Variants in SSPN observed in about 807,000 individuals in gnomAD.
SSPN encodes K-ras oncogene-associated protein.
A neutral mutation model predicts 19.1 loss-of-function variants in SSPN; 15 were observed. The observed-to-expected ratio is 0.78, with a 90% CI of 0.52 to 1.21. SSPN has a LOEUF of 1.21. Ranked by LOEUF, SSPN falls within the 50% of genes most tolerant of loss-of-function variation. SSPN has a pLI of 0.00. For synonymous variants in SSPN, 147 were observed against 140.3 expected (o/e 1.05, Z -0.34); for missense variants, 291 against 314.0 (o/e 0.93, Z 0.55).
intron 1 of SSPN, among the ~76,000 whole-genome samples, chr12:26,188,213 C>A (rs906492240): frequency 5.3e-5 from 8 of 152,166 alleles, no homozygotes; most frequent in Non-Finnish European, 1.2e-4. Context: ...GGGACTCAGG[C>A]AGTCTGGGCT....
intron 1 of SSPN, among the ~76,000 whole-genome samples, chr12:26,198,095 G>C (rs1944845684): frequency 6.6e-6 from 1 of 151,986 alleles, no homozygotes; most frequent in African/African-American, 2.4e-5. Flanking sequence ...ATGGCAAAGT[G>C]CAGATGTGTA....
chr12:26,208,027 G>A (rs528044720), intron 1 of SSPN, among the ~76,000 whole-genome samples: 2 of 146,900 alleles, frequency 1.4e-5, no homozygotes, highest in African/African-American at 2.5e-5. Flanking sequence ...GTGGGGGGGG[G>A]GGATATATAA....
chr12:26,212,085 T>C (rs1944993697), intron 1 of SSPN, among the ~76,000 whole-genome samples: 1 of 152,200 alleles, frequency 6.6e-6, no homozygotes. Context: ...ATATTTTGTT[T>C]TTACAATGTG....
At chr12:26,165,474 A>G (rs1159350633) in intron 1 of SSPN, among the ~76,000 whole-genome samples, 1 of 152,254 alleles carries the variant, frequency 6.6e-6, no homozygotes, top group Non-Finnish European at 1.5e-5. Context: ...GCCTGGAGCA[A>G]TTTAATCATC....
chr12:26,200,840 C>T (rs1429005011), intron 1 of SSPN, among the ~76,000 whole-genome samples: 1 of 151,328 alleles, frequency 6.6e-6, no homozygotes, highest in East Asian at 1.9e-4. Flanking sequence ...ATGGCAACTG[C>T]CACAGGATTG....
At chr12:26,160,906 G>C (rs999371802) in intron 1 of SSPN, among the ~76,000 whole-genome samples, 1 of 151,922 alleles carries the variant, frequency 6.6e-6, no homozygotes, top group African/African-American at 2.4e-5. Flanking sequence ...TCAGGAGTTC[G>C]AGACCAGCCT....
intron 1 of SSPN, among the ~76,000 whole-genome samples, chr12:26,200,751 T>C (rs1944869611): frequency 6.6e-6 from 1 of 151,846 alleles, no homozygotes; most frequent in South Asian, 2.1e-4. Context: ...AGTAATACAT[T>C]ATTCATCATA....
At chr12:26,202,195 G>T (rs1266326673) in intron 1 of SSPN, among the ~76,000 whole-genome samples, 1 of 152,156 alleles carries the variant, frequency 6.6e-6, no homozygotes, top group Non-Finnish European at 1.5e-5. Flanking sequence ...GTTCAGTACA[G>T]ACACAACCAT....
intron 1 of SSPN, among the ~76,000 whole-genome samples, chr12:26,170,566 T>C (rs1220174372): frequency 6.6e-6 from 1 of 152,196 alleles, no homozygotes. Context: ...ATAAAGAAAA[T>C]CTATACAAAC....
In SSPN at chr12:26,232,806, C is replaced by A; in HGVS notation, c.*1730C>A. 1 of 767,510 alleles carries A rather than the reference C, an allele frequency of 1.3e-6. No homozygotes were observed. The highest frequency in any genetic ancestry group is 5.8e-5 in the South Asian group (1 of 17,116). 47.5% of individuals were successfully genotyped at this position (767,510 alleles called of 1,614,324 possible). ...AAAATGGCCTTCCTACACATTAGCTCCAGCTAAAAAGACACATTGGAGAGC... is the reference window on the plus strand; with the variant it reads ...AAAATGGCCTTCCTACACATTAGCTACAGCTAAAAAGACACATTGGAGAGC... On this transcript the variant is annotated 3_prime_UTR_variant, in exon 3 of 3. Transcript: ENST00000242729.
At chr12:26,185,034 T>A (rs1200240839) in intron 1 of SSPN, among the ~76,000 whole-genome samples, 1 of 152,194 alleles carries the variant, frequency 6.6e-6, no homozygotes, top group East Asian at 1.9e-4. Context: ...GAATGTACAC[T>A]AAGATTAAAT....
At chr12:26,195,973 C>G (rs753126221) in intron 1 of SSPN, 22 bp downstream of exon 1, 8 of 1,453,496 alleles carry the variant, frequency 5.5e-6, no homozygotes, top group Non-Finnish European at 7.3e-6. Context: ...GTCTGTTTTG[C>G]CTAAGCGCGT....
intron 1 of SSPN, among the ~76,000 whole-genome samples, chr12:26,128,716 G>A (rs1339480288): frequency 6.6e-6 from 1 of 152,212 alleles, no homozygotes; most frequent in Non-Finnish European, 1.5e-5. Context: ...TACAAGATGA[G>A]CTCAAAGCCC....
intron 1 of SSPN, chr12:26,123,669 T>C: frequency 6.2e-7 from 1 of 1,614,140 alleles, no homozygotes; most frequent in Non-Finnish European, 8.5e-7. Context: ...TGTTGCTCGG[T>C]TAAGGCGGTT....
Position 26,215,542 on chromosome 12 carries a change from T to A in SSPN, c.280-8751T>A, listed in dbSNP as rs575886115. Among the ~76,000 whole-genome samples, 3 of 152,300 alleles carry A rather than the reference T, an allele frequency of 2.0e-5. No homozygotes were observed. The South Asian group carries it at 6.2e-4, about 32-fold the overall frequency. On this transcript the variant is annotated intron_variant, in intron 1 of 2. Transcript: ENST00000242729. ...CACAACTTTGCTCAGTGACTTTGTG[T>A]TGGTTATCTTGAAATCAGCCATGGT... is the stretch of plus-strand genomic sequence containing the variant.
upstream of SSPN, among the ~76,000 whole-genome samples, chr12:26,193,678 G>C (rs1439482331): frequency 6.6e-6 from 1 of 152,160 alleles, no homozygotes; most frequent in Non-Finnish European, 1.5e-5. Context: ...AGCCCTTGTG[G>C]TGTGATGGCC....
chr12:26,139,677 G>A (rs765475440), intron 1 of SSPN, among the ~76,000 whole-genome samples: 2 of 152,204 alleles, frequency 1.3e-5, no homozygotes, highest in Non-Finnish European at 2.9e-5. Flanking sequence ...ATAGTAAAAT[G>A]TGGTAAATAG....
chr12:26,190,882 A>G (rs1171256178), upstream of SSPN, among the ~76,000 whole-genome samples: 1 of 152,240 alleles, frequency 6.6e-6, no homozygotes, highest in Non-Finnish European at 1.5e-5. Flanking sequence ...ACTTACTTCC[A>G]TCACCCAGAA....
At chr12:26,160,033 G>A (rs2137423340) in intron 1 of SSPN, among the ~76,000 whole-genome samples, 1 of 152,340 alleles carries the variant, frequency 6.6e-6, no homozygotes, top group Middle Eastern at 3.4e-3. Flanking sequence ...GGGTGAACCT[G>A]TTCCTTGAAG....
Sources: gnomAD v4.1 joint callset for allele counts (sites outside exome capture counted in the v4.1 genomes callset) on GRCh38, gnomAD v4.1.1 for gene constraint, MANE v1.5 for transcripts, NCBI Gene and HGNC (gene_info 2026-07-23, HGNC 2026-07-21) for gene names.